Variants in COL4A5 observed in about 807,000 individuals in gnomAD.
COL4A5 encodes collagen type IV alpha 5 chain.
COL4A5 carries 26 observed loss-of-function variants against 130.2 expected under a neutral mutation model. The observed-to-expected ratio is 0.20, with a 90% CI of 0.15 to 0.28. The LOEUF is 0.28. COL4A5 is among the 10% of genes least tolerant of loss of function. COL4A5 has a pLI of 1.00. For synonymous variants in COL4A5, 496 were observed against 439.6 expected, an observed-to-expected ratio of 1.13 and a Z score of -1.60; for missense variants, 1,131 against 1,344.3, an observed-to-expected ratio of 0.84 and a Z score of 2.48.
At chrX:108,561,049 G>C (rs947819574) in intron 3 of COL4A5, among the ~76,000 whole-genome samples, 4 of 111,720 alleles carry the variant, frequency 3.6e-5, no homozygotes, top group African/African-American at 9.8e-5. Context: ...AGAGTCAATT[G>C]TTGCAATCTG....
At chrX:108,576,489 T>A (rs1041335109) in intron 10 of COL4A5, among the ~76,000 whole-genome samples, 1 of 112,051 alleles carries the variant, frequency 8.9e-6, no homozygotes, top group Non-Finnish European at 1.9e-5. Context: ...TGCAACCGGT[T>A]CTCTTACTTT....
intron 36 of COL4A5, among the ~76,000 whole-genome samples, chrX:108,641,975 G>A (rs2067476332): frequency 8.9e-6 from 1 of 111,932 alleles, no homozygotes; most frequent in African/African-American, 3.2e-5. Context: ...CAGCTTGGTG[G>A]CAGGTAGCCT....
At chrX:108,515,243 A>T (rs749792205) in intron 1 of COL4A5, among the ~76,000 whole-genome samples, 5 of 111,629 alleles carry the variant, frequency 4.5e-5, no homozygotes, top group Non-Finnish European at 7.5e-5. Context: ...GAAGAGAGAG[A>T]ATAGTTGCTT....
intron 1 of COL4A5, among the ~76,000 whole-genome samples, chrX:108,510,410 T>C (rs989199880): frequency 1.8e-5 from 2 of 111,683 alleles, no homozygotes; most frequent in Non-Finnish European, 3.8e-5. Context: ...TCAAATGCAG[T>C]GCCATATATA....
At chrX:108,687,951 C>T (rs946000099) in intron 49 of COL4A5, among the ~76,000 whole-genome samples, 1 of 112,170 alleles carries the variant, frequency 8.9e-6, no homozygotes, top group African/African-American at 3.2e-5. Flanking sequence ...AAAAAGGCCA[C>T]ATTTACTTTT....
chrX:108,571,325 A>G, intron 6 of COL4A5, 88 bp from the exon 7 acceptor site: 1 of 736,681 alleles, frequency 1.4e-6, no homozygotes, highest in Non-Finnish European at 2.1e-6. Flanking sequence ...TGGCTTTTAT[A>G]GAAATCTTTT....
intron 32 of COL4A5, among the ~76,000 whole-genome samples, chrX:108,622,114 A>G (rs2067065897): frequency 8.9e-6 from 1 of 112,379 alleles, no homozygotes; most frequent in African/African-American, 3.2e-5. Context: ...ACAAAATATA[A>G]GGATTAAGCA....
intron 1 of COL4A5, among the ~76,000 whole-genome samples, chrX:108,454,191 A>T (rs762564875): frequency 8.9e-6 from 1 of 112,505 alleles, no homozygotes; most frequent in Non-Finnish European, 1.9e-5. Flanking sequence ...ACTTAGAATC[A>T]ATGGGTTAAG....
At chrX:108,573,887 G>GA (rs1436424753) in intron 9 of COL4A5, among the ~76,000 whole-genome samples, 10 of 111,268 alleles carry the variant, frequency 9.0e-5, no homozygotes, top group African/African-American at 3.3e-4. Flanking sequence ...ATTGGCAGCA[G>GA]AAATAGGGTT....
intron 50 of COL4A5, chrX:108,693,785 G>C (rs1319493135): frequency 9.0e-6 from 1 of 111,046 alleles, no homozygotes; most frequent in African/African-American, 3.3e-5. Context: ...GTAACTAAGA[G>C]GAGGGTGATA....
chrX:108,506,132 T>A (rs1442969613), intron 1 of COL4A5, among the ~76,000 whole-genome samples: 2 of 111,931 alleles, frequency 1.8e-5, no homozygotes. Flanking sequence ...GACTCTAGTC[T>A]TTAAAAGCTT....
chrX:108,523,238 T>A (rs2065282101), intron 1 of COL4A5, among the ~76,000 whole-genome samples: 2 of 111,832 alleles, frequency 1.8e-5, no homozygotes, highest in African/African-American at 6.5e-5. Context: ...TTGTGTTTAA[T>A]CTTTGATCTG....
Position 108,616,482 on chromosome X carries a change from C to T in COL4A5, c.2509+1458C>T, listed in dbSNP as rs766727609. On this transcript the variant is annotated intron_variant, in intron 30 of 52. Coordinates refer to ENST00000328300, the MANE Select transcript of COL4A5 (RefSeq NM_033380.3). ...AACTCCTGACCTCAGGTGATTCGCC[C>T]GCCTCGGCCTCCCAGAGTGCTGGGA... Among the ~76,000 whole-genome samples, 8 of 111,090 alleles carry T rather than the reference C, an allele frequency of 7.2e-5. No homozygotes were observed. In the South Asian group the frequency reaches 1.9e-3, roughly 26 times the overall value.
chrX:108,659,947 C>G (rs2067921130), intron 37 of COL4A5, among the ~76,000 whole-genome samples: 1 of 110,679 alleles, frequency 9.0e-6, no homozygotes, highest in African/African-American at 3.3e-5. Context: ...CCTCCTTTGT[C>G]CCTGGTTTCC....
intron 1 of COL4A5, among the ~76,000 whole-genome samples, chrX:108,441,967 G>A (rs1322497018): frequency 1.8e-5 from 2 of 111,349 alleles, no homozygotes; most frequent in Non-Finnish European, 3.8e-5. Context: ...TTAAACTAAT[G>A]AGTATTCATG....
intron 1 of COL4A5, among the ~76,000 whole-genome samples, chrX:108,506,163 C>T (rs893539885): frequency 1.8e-5 from 2 of 111,423 alleles, no homozygotes; most frequent in Non-Finnish European, 3.8e-5. Context: ...TAGTATGACA[C>T]AATGTTTCTG....
intron 42 of COL4A5, 92 bp downstream of exon 42, chrX:108,670,328 G>A (rs747966082): frequency 8.5e-7 from 1 of 1,177,231 alleles, no homozygotes; most frequent in East Asian, 3.0e-5. Context: ...TGTATTTTAA[G>A]AGCATATGTG....
At chrX:108,493,407 A>G (rs779228435) in intron 1 of COL4A5, among the ~76,000 whole-genome samples, 77 of 112,088 alleles carry the variant, frequency 6.9e-4, no homozygotes, top group African/African-American at 2.4e-3. Flanking sequence ...ATAAGTTGCC[A>G]ACTCAGGTAG....
At position 108,582,916 on chromosome X, in the gene COL4A5, A is replaced by G; in HGVS notation, c.969A>G (p.Glu323=). The G allele has an allele frequency of 2.5e-6, 3 of 1,205,653 alleles. No homozygotes were observed. Among genetic ancestry groups the G allele is most frequent in the Non-Finnish European group, 3.4e-6 (3 of 890,385 alleles). ...CTGGTGATCCTGGTTACCCTGGTGA[A>G]CCCGGAAGGGATGGTGAAAAGGTAA... is the stretch of plus-strand genomic sequence containing the variant. ...GLPGDPGYPG[E]PGRDGEKGQK... The change falls in exon 17 of 53, where the codon GAA becomes GAG. Residue 323 remains glutamate, a synonymous_variant. Transcript: ENST00000328300.
Sources: allele counts gnomAD v4.1 joint callset (sites outside exome capture counted in the v4.1 genomes callset), GRCh38; gene constraint gnomAD v4.1.1; transcripts MANE v1.5; gene names NCBI Gene and HGNC (gene_info 2026-07-23, HGNC 2026-07-21).